The following FGF14 variants were observed in gnomAD, a reference collection of about 807,000 sequenced individuals.
The protein encoded by FGF14 is fibroblast growth factor homologous factor 4.
A neutral mutation model predicts 25.5 loss-of-function variants in FGF14; 5 were observed. The ratio of observed to expected loss-of-function variants is 0.20; its 90% confidence interval spans 0.10 to 0.41. The LOEUF is 0.41. Ranked by LOEUF, FGF14 falls within the 10% of genes least tolerant of loss-of-function variation. FGF14 has a pLI of 1.00. For synonymous variants in FGF14, 138 were observed against 118.3 expected (o/e 1.17, Z -1.08); for missense variants, 222 against 320.1 (o/e 0.69, Z 2.34).
intron 1 of FGF14, among the ~76,000 whole-genome samples, chr13:101,943,337 C>T (rs1345337262): frequency 1.3e-5 from 2 of 152,098 alleles, no homozygotes; most frequent in Non-Finnish European, 2.9e-5. Flanking sequence ...GAGGCATGGT[C>T]GAAAGACATG....
intron 1 of FGF14, among the ~76,000 whole-genome samples, chr13:102,396,723 C>T (rs546872338): frequency 2.6e-5 from 4 of 152,320 alleles, no homozygotes; most frequent in African/African-American, 9.6e-5. Flanking sequence ...AAGTCATCTT[C>T]ATTGTTAAAA....
intron 3 of FGF14, among the ~76,000 whole-genome samples, chr13:101,755,289 T>G (rs2037568728): frequency 6.6e-6 from 1 of 152,200 alleles, no homozygotes; most frequent in South Asian, 2.1e-4. Context: ...TCCTTGTATA[T>G]TCTTTCCCAA....
At chr13:102,107,015 C>G (rs1237389642) in intron 1 of FGF14, among the ~76,000 whole-genome samples, 1 of 152,138 alleles carries the variant, frequency 6.6e-6, no homozygotes, top group Non-Finnish European at 1.5e-5. Flanking sequence ...TGGACTGTTT[C>G]AGAATGTGAA....
At chr13:102,289,002 T>C (rs1386418563) in intron 1 of FGF14, among the ~76,000 whole-genome samples, 1 of 152,172 alleles carries the variant, frequency 6.6e-6, no homozygotes, top group Non-Finnish European at 1.5e-5. Context: ...GGTTAGCCAA[T>C]GAAAGCCTGG....
chr13:102,277,778 A>C lies in FGF14; in HGVS notation c.208+123693T>G, dbSNP rs141349347. On this transcript the variant is annotated intron_variant, in intron 1 of 4. Coordinates refer to the FGF14 transcript ENST00000376131. The stretch of plus-strand genomic sequence containing the variant: ...CCTTCTCTGCCACATGTTGACATCC[A>C]TTACAGTGAACCCACAAAAGTGCTC... Among the ~76,000 whole-genome samples, 141 of 152,314 alleles carry C rather than the reference A, an allele frequency of 9.3e-4. 1 individual carries two copies. The highest frequency in any genetic ancestry group is 3.2e-3 in the African/African-American group (132 of 41,574).
chr13:102,254,843 G>A (rs1305435058), intron 1 of FGF14, among the ~76,000 whole-genome samples: 3 of 152,166 alleles, frequency 2.0e-5, no homozygotes, highest in Non-Finnish European at 4.4e-5. Context: ...CTGAAGTCCT[G>A]GAGACCTGGA....
chr13:102,185,947 T>C (rs181920161), intron 1 of FGF14, among the ~76,000 whole-genome samples: 185 of 152,308 alleles, frequency 1.2e-3, no homozygotes, highest in African/African-American at 4.2e-3. Flanking sequence ...CTCTTCATGC[T>C]ATTAACATGC....
chr13:102,155,940 T>C (rs1420348792), intron 1 of FGF14, among the ~76,000 whole-genome samples: 2 of 151,674 alleles, frequency 1.3e-5, no homozygotes, highest in East Asian at 1.9e-4. Flanking sequence ...ACACATACAC[T>C]CTCCCAAGAC....
At chr13:102,341,001 A>G (rs1194052917) in intron 1 of FGF14, among the ~76,000 whole-genome samples, 5 of 152,196 alleles carry the variant, frequency 3.3e-5, no homozygotes, top group Non-Finnish European at 7.3e-5. Context: ...AGAAAACTAA[A>G]TATGTGTTAA....
At chr13:101,955,946 G>A (rs549908180) in intron 1 of FGF14, among the ~76,000 whole-genome samples, 1 of 152,322 alleles carries the variant, frequency 6.6e-6, no homozygotes, top group Admixed American at 6.5e-5. Flanking sequence ...AGACAAAGCA[G>A]AGGGGCAAGA....
At chr13:102,177,182 A>AT (rs1198356634) in intron 1 of FGF14, among the ~76,000 whole-genome samples, 4 of 152,186 alleles carry the variant, frequency 2.6e-5, no homozygotes, top group Admixed American at 2.0e-4. Flanking sequence ...AGAGCTTAGC[A>AT]TTCAGTAACT....
chr13:102,079,991 G>A (rs1439514111), intron 1 of FGF14, among the ~76,000 whole-genome samples: 1 of 152,170 alleles, frequency 6.6e-6, no homozygotes, highest in Non-Finnish European at 1.5e-5. Context: ...AGCTGGAGCA[G>A]AGTGAGCAAG....
At chr13:102,265,634 G>A (rs2052951632) in intron 1 of FGF14, among the ~76,000 whole-genome samples, 1 of 152,062 alleles carries the variant, frequency 6.6e-6, no homozygotes, top group African/African-American at 2.4e-5. Context: ...AAATAGCCTT[G>A]TGAGGTAAGT....
intron 3 of FGF14, among the ~76,000 whole-genome samples, chr13:101,813,364 G>T (rs1021960733): frequency 2.0e-5 from 3 of 152,072 alleles, no homozygotes; most frequent in Non-Finnish European, 4.4e-5. Flanking sequence ...GATAGAAATG[G>T]GGCTCTAGTA....
intron 1 of FGF14, among the ~76,000 whole-genome samples, chr13:101,923,059 A>T (rs888461057): frequency 2.0e-5 from 3 of 152,154 alleles, no homozygotes; most frequent in African/African-American, 7.2e-5. Flanking sequence ...AAAGAAATAA[A>T]AACACTTCAT....
intron 1 of FGF14, among the ~76,000 whole-genome samples, chr13:102,374,644 T>TTATATATATA (rs55670716): frequency 4.1e-4 from 20 of 49,340 alleles, no homozygotes; most frequent in South Asian, 7.6e-4. Flanking sequence ...CTTACATATT[T>TTATATATATA]TATATATATA....
intron 1 of FGF14, among the ~76,000 whole-genome samples, chr13:102,121,652 G>A (rs974649954): frequency 3.9e-5 from 6 of 152,038 alleles, no homozygotes; most frequent in African/African-American, 1.2e-4. Context: ...CTTGTATTTT[G>A]CTGTAAAAAT....
intron 1 of FGF14, among the ~76,000 whole-genome samples, chr13:102,008,845 T>G (rs183048842): frequency 1.9e-3 from 290 of 152,278 alleles, no homozygotes; most frequent in African/African-American, 6.8e-3. Flanking sequence ...ATTTAATTTT[T>G]GGGTGGGAAA....
intron 1 of FGF14, among the ~76,000 whole-genome samples, chr13:102,242,530 G>A (rs1005520622): frequency 6.6e-6 from 1 of 152,102 alleles, no homozygotes; most frequent in Non-Finnish European, 1.5e-5. Context: ...GAGAAAAGGG[G>A]CCCAAATTTG....
Sources: allele counts gnomAD v4.1 joint callset (sites outside exome capture counted in the v4.1 genomes callset), GRCh38; gene constraint gnomAD v4.1.1; transcripts MANE v1.5; gene names NCBI Gene and HGNC (gene_info 2026-07-23, HGNC 2026-07-21).